MPRIP: variants seen among roughly 807,000 people sequenced by gnomAD.
MPRIP encodes the protein myosin phosphatase Rho interacting protein, also known as myosin phosphatase Rho-interacting protein.
In MPRIP, 59 loss-of-function variants were observed where a neutral mutation model predicts 234.9. That is an observed-to-expected ratio of 0.25 (90% CI 0.20 to 0.31). The LOEUF (loss-of-function observed/expected upper bound fraction) is 0.31, where lower values mean the gene tolerates loss of function less well. Among genes scored for constraint, MPRIP ranks in the 10% least tolerant of loss-of-function variants. MPRIP has a pLI of 1.00. For synonymous variants in MPRIP, 1,144 were observed against 1,263.9 expected (o/e 0.91, Z 2.01); for missense variants, 2,436 against 3,071.0 (o/e 0.79, Z 4.89).
intron 14 of MPRIP, 76 bp from the exon 15 acceptor site, chr17:17,161,164 G>A (rs1208696278): frequency 2.0e-6 from 2 of 1,017,034 alleles, no homozygotes; most frequent in Non-Finnish European, 2.9e-6. Flanking sequence ...GAAGACCAGT[G>A]AAAGAGTCTG....
chr17:17,061,459 G>A (rs2088865147), intron 1 of MPRIP, among the ~76,000 whole-genome samples: 1 of 152,222 alleles, frequency 6.6e-6, no homozygotes, highest in African/African-American at 2.4e-5. Context: ...GAATCAACCT[G>A]AAAACTACAG....
Position 17,126,597 on chromosome 17 carries a change from C to T in MPRIP, c.268-105C>T, listed in dbSNP as rs2090494011. The T allele has an allele frequency of 1.1e-5, 14 of 1,331,170 alleles. No individual in the cohort carries two copies. In the South Asian group the frequency reaches 1.4e-4, roughly 13 times the overall value. The allele number at this position is 1,331,170 out of a possible 1,614,324, so 82.5% of individuals were successfully genotyped here. The stretch of plus-strand genomic sequence containing the variant: ...TGGGGCTGGAGTGAGGGAGAGCACT[C>T]CTAGAGGCCCCACAGGCTGGGAGGG... On this transcript the variant is annotated intron_variant, in intron 3 of 23. Coordinates refer to ENST00000651222, the MANE Select transcript of MPRIP (RefSeq NM_001364716.4).
At chr17:17,172,073 AC>A (rs1421101689) in intron 17 of MPRIP, among the ~76,000 whole-genome samples, 1 of 152,064 alleles carries the variant, frequency 6.6e-6, no homozygotes, top group Non-Finnish European at 1.5e-5. Context: ...GCACACTTCG[AC>A]CCCTGACAGC....
intron 4 of MPRIP, among the ~76,000 whole-genome samples, chr17:17,129,084 CG>C (rs1189795350): frequency 1.3e-5 from 2 of 152,166 alleles, no homozygotes; most frequent in Non-Finnish European, 2.9e-5. Flanking sequence ...CTGACAGCTG[CG>C]TGGGCTGCCG....
Position 17,192,426 on chromosome 17 carries a change from T to TGGGGGGGGGGGG in MPRIP, c.*7532_*7533insGGGGGGGGGGGG, listed in dbSNP as rs1157972241. ...GACCAGCTGAGCTGCTGCTTTTTTT[T>TGGGGGGGGGGGG]TGGGGGGGGGGGGGGGAGGGGCGTC... On this transcript the variant is annotated 3_prime_UTR_variant, in exon 24 of 24. Coordinates refer to ENST00000651222, the MANE Select transcript of MPRIP (RefSeq NM_001364716.4). The TGGGGGGGGGGGG allele has an allele frequency of 3.4e-4, 1 of 2,962 alleles. No homozygotes were observed. The highest frequency in any genetic ancestry group is 7.4e-4 in the Non-Finnish European group (1 of 1,354). 0.2% of individuals were successfully genotyped at this position (2,962 alleles called of 1,614,324 possible). A position where few individuals can be genotyped will look rare whatever the true frequency, so the allele number is the denominator to read the frequency against.
At position 17,185,596 on chromosome 17, in the gene MPRIP, C is replaced by CT. The variant is rs200366362; in HGVS notation, c.*703dup. On this transcript the variant is annotated 3_prime_UTR_variant, in exon 24 of 24. Transcript: ENST00000651222. ...CTCTCCTTCCTTCCTTCCTTCCTTC[C>CT]TCCGCTCGTTCCTTTCTTGGTCTCC... is the stretch of plus-strand genomic sequence containing the variant. 28 of 456,234 alleles carry CT rather than the reference C, an allele frequency of 6.1e-5. No homozygotes were observed. The highest frequency in any genetic ancestry group is 3.2e-4 in the Middle Eastern group (1 of 3,104). 28.3% of individuals were successfully genotyped at this position (456,234 alleles called of 1,614,324 possible).
intron 19 of MPRIP, 101 bp from the exon 20 acceptor site, chr17:17,175,192 C>G: frequency 6.4e-7 from 1 of 1,553,050 alleles, no homozygotes; most frequent in Non-Finnish European, 8.9e-7. Context: ...CGCAGTTCCA[C>G]AGATACACAA....
At position 17,180,829 on chromosome 17, in the gene MPRIP, A is replaced by AGGT. The variant is rs1314105592; in HGVS notation, c.7206+741_7206+742insGGT. Among the ~76,000 whole-genome samples, 3 of 152,256 alleles carry AGGT rather than the reference A, an allele frequency of 2.0e-5. No individual in the cohort carries two copies. In the East Asian group the frequency reaches 5.8e-4, roughly 29 times the overall value. On this transcript the variant is annotated intron_variant, in intron 23 of 23. Transcript: ENST00000651222. ...CTCTGGGGAGTTAATTGGCACTCTA[A>AGGT]CCTCTTAACAGAGATGACCCTGGCA...
chr17:17,104,773 T>G (rs551586313), intron 3 of MPRIP, among the ~76,000 whole-genome samples: 4 of 152,288 alleles, frequency 2.6e-5, no homozygotes, highest in African/African-American at 7.2e-5. Flanking sequence ...CACCCACGCT[T>G]CCAGTCTCCC....
Position 17,166,459 on chromosome 17 carries a change from GT to G in MPRIP, c.4869del (p.Glu1624SerfsTer9). The G allele has an allele frequency of 7.7e-7, 1 of 1,304,344 alleles. No individual in the cohort carries two copies. The highest frequency in any genetic ancestry group is 1.0e-6 in the Non-Finnish European group (1 of 988,958). 80.8% of individuals were successfully genotyped at this position (1,304,344 alleles called of 1,614,324 possible). On this transcript the variant is annotated frameshift_variant, in exon 16 of 24. Transcript: ENST00000651222. LOFTEE classifies it high-confidence loss of function. This position sits in a 1 kb window ranked among gnomAD's most constrained non-coding sequence, Gnocchi z 4.4. ...TGGGCCAGGAAGGTCCTAGTGGATG[GT>G]GAGTTCTGGAGCCAGGTTGAGTCTC... ...DTWARKVLVD[G>X]EFWSQVESLR... is the part of the protein sequence containing the mutation.
chr17:17,071,608 A>G (rs1034903181), intron 1 of MPRIP, among the ~76,000 whole-genome samples: 1 of 152,222 alleles, frequency 6.6e-6, no homozygotes, highest in Non-Finnish European at 1.5e-5. Context: ...AAAGAGCTTC[A>G]GGTTGAAGGC....
intron 1 of MPRIP, among the ~76,000 whole-genome samples, chr17:17,066,803 C>A (rs1259417173): frequency 8.5e-6 from 1 of 118,128 alleles, no homozygotes; most frequent in Non-Finnish European, 1.6e-5. Context: ...GTTGCCCAGG[C>A]CGGAGTGTAG....
intron 3 of MPRIP, among the ~76,000 whole-genome samples, chr17:17,114,389 G>T (rs1202311908): frequency 6.6e-6 from 1 of 151,766 alleles, no homozygotes; most frequent in African/African-American, 2.4e-5. Flanking sequence ...TTGGTCCTTA[G>T]ATGTACAAAG....
chr17:17,078,562 C>A lies in MPRIP; in HGVS notation c.267+486C>A, dbSNP rs894953169. On this transcript the variant is annotated intron_variant, in intron 3 of 23. Transcript: ENST00000651222. The surrounding 1 kb of genome is among the most constrained non-coding windows in gnomAD (Gnocchi z 4.3). ...TAGTTTTCCGAGCTGACTTCAGAGG[C>A]CTCCTGGTCACAAGGTCATCGTTCT... Among the ~76,000 whole-genome samples, 3 of 152,218 alleles carry A rather than the reference C, an allele frequency of 2.0e-5. No homozygotes were observed. Among genetic ancestry groups the A allele is most frequent in the African/African-American group, 2.4e-5 (1 of 41,460 alleles).
At chr17:17,102,501 G>C (rs1011646654) in intron 3 of MPRIP, among the ~76,000 whole-genome samples, 1 of 152,244 alleles carries the variant, frequency 6.6e-6, no homozygotes, top group Admixed American at 6.5e-5. Context: ...CAGGGCACGT[G>C]TGGAGTGTGC....
intron 1 of MPRIP, among the ~76,000 whole-genome samples, chr17:17,072,329 A>G (rs2089215070): frequency 6.6e-6 from 1 of 152,076 alleles, no homozygotes; most frequent in Non-Finnish European, 1.5e-5. Flanking sequence ...CCACCCACCC[A>G]CTGCTGGCCT....
intron 1 of MPRIP, among the ~76,000 whole-genome samples, chr17:17,066,367 CA>C (rs2089024708): frequency 6.6e-6 from 1 of 152,154 alleles, no homozygotes; most frequent in Non-Finnish European, 1.5e-5. Context: ...TGGATTTTGT[CA>C]AATGCTTTTT....
At chr17:17,067,790 C>CCTT (rs2089081437) in intron 1 of MPRIP, among the ~76,000 whole-genome samples, 3 of 76,750 alleles carry the variant, frequency 3.9e-5, no homozygotes, top group Non-Finnish European at 5.0e-5. Context: ...CTTCTTCTTC[C>CCTT]TTTTTTTTTT....
chr17:17,119,257 G>A (rs2090343454), intron 3 of MPRIP, among the ~76,000 whole-genome samples: 1 of 152,266 alleles, frequency 6.6e-6, no homozygotes, highest in Admixed American at 6.5e-5. Context: ...CCCAAGGGAG[G>A]AGGGAGGTGG....
Sources: allele counts gnomAD v4.1 joint callset (sites outside exome capture counted in the v4.1 genomes callset), GRCh38; gene constraint gnomAD v4.1.1; non-coding constraint Gnocchi (gnomAD v3.1); transcripts MANE v1.5; gene names NCBI Gene and HGNC (gene_info 2026-07-23, HGNC 2026-07-21).